Variants in DDX50 observed in about 807,000 individuals in gnomAD.
DDX50 encodes ATP-dependent RNA helicase DDX50.
DDX50 carries 56 observed loss-of-function variants against 94.8 expected under a neutral mutation model. The observed-to-expected ratio is 0.59, with a 90% CI of 0.48 to 0.74. The LOEUF (loss-of-function observed/expected upper bound fraction) is 0.74, where lower values mean the gene tolerates loss of function less well. DDX50 is among the 30% of genes least tolerant of loss of function. The pLI, the probability that DDX50 is intolerant of heterozygous loss-of-function variation, is 0.00. For missense variants in DDX50, 713 were observed against 881.2 expected (o/e 0.81, Z 2.42); for synonymous variants, 264 against 295.4 (o/e 0.89, Z 1.09).
intron 12 of DDX50, among the ~76,000 whole-genome samples, chr10:68,938,778 T>A (rs1034508312): frequency 3.3e-5 from 5 of 152,236 alleles, no homozygotes; most frequent in African/African-American, 1.2e-4. Context: ...CCTATTTGTA[T>A]GTATGTTTTT....
chr10:68,931,149 T>C (rs1032089553), intron 8 of DDX50, among the ~76,000 whole-genome samples: 1 of 152,036 alleles, frequency 6.6e-6, no homozygotes, highest in Non-Finnish European at 1.5e-5. Flanking sequence ...CCTAATTATT[T>C]GATTAATGTC....
chr10:68,921,389 CT>C (rs1841935997), intron 8 of DDX50, among the ~76,000 whole-genome samples: 1 of 151,938 alleles, frequency 6.6e-6, no homozygotes, highest in Admixed American at 6.6e-5. Context: ...TTTTTTGTAG[CT>C]TTTTTTGTTT....
Position 68,910,407 on chromosome 10 carries a change from A to G in DDX50, c.460+25A>G, listed in dbSNP as rs755269536. ...GGTATGCAGTTTGGTTGTTGTTGTT[A>G]TTGTTGTTGTTTTGAGACAGAGCCT... On this transcript the variant is annotated intron_variant, in intron 3 of 14. Transcript: ENST00000373585. The G allele has an allele frequency of 3.2e-6, 5 of 1,571,710 alleles. No individual in the cohort carries two copies. The Admixed American group carries it at 7.9e-5, about 25-fold the overall frequency.
chr10:68,927,075 G>T (rs1266408168), intron 8 of DDX50, among the ~76,000 whole-genome samples: 1 of 151,944 alleles, frequency 6.6e-6, no homozygotes, highest in African/African-American at 2.4e-5. Context: ...ACCACACCTG[G>T]CTAATTTTTT....
In DDX50 at chr10:68,922,470, T is replaced by C. The variant is rs370471263; in HGVS notation, c.1239+2489T>C. On this transcript the variant is annotated intron_variant, in intron 8 of 14. Transcript: ENST00000373585. ...TCTCATTGAAAAACTGAAAAGTTTT[T>C]CTTGATTTTTGTTCTTTATTACAGC... is the stretch of plus-strand genomic sequence containing the variant. Among the ~76,000 whole-genome samples, 320 of 152,312 alleles carry C rather than the reference T, an allele frequency of 2.1e-3. 2 individuals are homozygous for C. The highest frequency in any genetic ancestry group is 7.3e-3 in the African/African-American group (302 of 41,582).
chr10:68,934,311 G>T lies in DDX50; in HGVS notation c.1352G>T (p.Gly451Val). ...GTGGCAACCAATGTGGCTGCCCGTG[G>T]TTTGGACATTCCTGAAGTTGACCTG... ...VLVATNVAAR[G>V]LDIPEVDLVI... Residue 451 changes from glycine to valine, a missense_variant, in exon 9 of 15, where the codon GGT (glycine) becomes GTT (valine). Gly to Val is a moderately radical substitution (Grantham distance 109). Transcript: ENST00000373585. The surrounding 1 kb of genome is among the most constrained non-coding windows in gnomAD (Gnocchi z 4.0). 1 of 1,613,884 alleles carries T rather than the reference G, an allele frequency of 6.2e-7. No individual in the cohort carries two copies. The highest frequency in any genetic ancestry group is 8.5e-7 in the Non-Finnish European group (1 of 1,179,872).
intron 14 of DDX50, 29 bp downstream of exon 14, chr10:68,943,286 G>A: frequency 6.4e-7 from 1 of 1,550,860 alleles, no homozygotes; most frequent in Non-Finnish European, 8.8e-7. Flanking sequence ...CTTTTAAATG[G>A]TTGAGTACAT....
chr10:68,914,710 A>G (rs1024044848), intron 7 of DDX50, among the ~76,000 whole-genome samples: 2 of 152,214 alleles, frequency 1.3e-5, no homozygotes, highest in African/African-American at 4.8e-5. Flanking sequence ...TGATTTCAGG[A>G]AAGGGAATGC....
chr10:68,916,830 G>A (rs1056723851), intron 7 of DDX50, among the ~76,000 whole-genome samples: 2 of 152,064 alleles, frequency 1.3e-5, no homozygotes, highest in East Asian at 3.9e-4. Context: ...GATTACAGGC[G>A]CCCACCACCA....
chr10:68,913,280 G>C lies in DDX50; in HGVS notation c.757+1G>C. On this transcript the variant is annotated splice_donor_variant, in intron 5 of 14. Coordinates refer to ENST00000373585, the MANE Select transcript of DDX50 (RefSeq NM_024045.2). LOFTEE classifies it high-confidence loss of function. ...GGTGGAACATCATATCAAAGCCAAA[G>C]TGAGTAAATATGTTTGATAGACGTG... 1 of 1,610,724 alleles carries C rather than the reference G, an allele frequency of 6.2e-7. No homozygotes were observed.
At chr10:68,925,092 A>G (rs898999651) in intron 8 of DDX50, among the ~76,000 whole-genome samples, 935 of 92,950 alleles carry the variant, frequency 0.01, 3 homozygotes, top group Middle Eastern at 0.044. Flanking sequence ...TTCCCTGCTC[A>G]TGGTTTTTTT....
At chr10:68,931,852 C>A (rs553401223) in intron 8 of DDX50, among the ~76,000 whole-genome samples, 2 of 152,104 alleles carry the variant, frequency 1.3e-5, no homozygotes, top group East Asian at 1.9e-4. Context: ...ATCCCCGCTC[C>A]CTTTTCAGTC....
At chr10:68,901,514 C>T in intron 1 of DDX50, 43 bp downstream of exon 1, 1 of 1,539,616 alleles carries the variant, frequency 6.5e-7, no homozygotes, top group Non-Finnish European at 8.8e-7. Context: ...GCTGCGCCGG[C>T]TTGGGCGGGG....
intron 13 of DDX50, 57 bp from the exon 14 acceptor site, chr10:68,943,156 A>G: frequency 1.3e-6 from 2 of 1,551,698 alleles, no homozygotes; most frequent in South Asian, 1.2e-5. Context: ...TAGTAAAACA[A>G]AAAAAATCTA....
chr10:68,936,173 C>T, intron 11 of DDX50, 94 bp downstream of exon 11: 5 of 891,002 alleles, frequency 5.6e-6, no homozygotes, highest in Non-Finnish European at 8.6e-6. Flanking sequence ...AATTTTACCA[C>T]CAGTTTTACC....
intron 7 of DDX50, among the ~76,000 whole-genome samples, chr10:68,915,428 A>C (rs1312416091): frequency 6.7e-6 from 1 of 149,706 alleles, no homozygotes; most frequent in Non-Finnish European, 1.5e-5. Flanking sequence ...AAAATAAAAG[A>C]AAAAAAAGGC....
Position 68,934,224 on chromosome 10 carries a change from T to C in DDX50, c.1265T>C (p.Ile422Thr). 1 of 1,612,030 alleles carries C rather than the reference T, an allele frequency of 6.2e-7. No homozygotes were observed. The highest frequency in any genetic ancestry group is 8.5e-7 in the Non-Finnish European group (1 of 1,179,812). ...KQNAQCLHGD[I>T]AQSQREITLK... The stretch of plus-strand genomic sequence containing the variant: ...AATGCCCAGTGTTTACATGGGGACA[T>C]TGCACAGTCACAAAGAGAAATTACA... The change falls in exon 9 of 15, where the codon ATT becomes ACT. Residue 422 changes from isoleucine to threonine, a missense_variant. Physicochemically the swap from Ile to Thr is moderately conservative, Grantham distance 89. Transcript: ENST00000373585. The surrounding 1 kb of genome is among the most constrained non-coding windows in gnomAD (Gnocchi z 4.0).
At chr10:68,946,131 CAT>C (rs1236099913) in intron 14 of DDX50, among the ~76,000 whole-genome samples, 1 of 152,024 alleles carries the variant, frequency 6.6e-6, no homozygotes, top group Non-Finnish European at 1.5e-5. Context: ...ATTAGTAATA[CAT>C]AGTTTAATTT....
chr10:68,943,247 A>T lies in DDX50; in HGVS notation c.1925A>T (p.Glu642Val), dbSNP rs768675198. 1.9e-5 allele frequency: 30 copies of T among 1,607,292 alleles called. 1 individual carries two copies. In the South Asian group the frequency reaches 3.4e-4, roughly 18 times the overall value. Residue 642 changes from glutamate to valine, a missense_variant, in exon 14 of 15, where the codon GAA (glutamate) becomes GTA (valine). Physicochemically the swap from Glu to Val is moderately radical, Grantham distance 121. This residue lies in a region of DDX50 where 428 missense variants were observed against 602.3 expected (regional missense o/e 0.71). Transcript: ENST00000373585. ...TTTGATGTTCCTACAACTGAGTCAGAAAGGTTACAGGTATTTTTAAAATTT... is the reference window on the plus strand; with the variant it reads ...TTTGATGTTCCTACAACTGAGTCAGTAAGGTTACAGGTATTTTTAAAATTT... ...VCFDVPTTES[E>V]RLQAEWHDSD...
Sources: allele counts gnomAD v4.1 joint callset (sites outside exome capture counted in the v4.1 genomes callset), GRCh38; gene constraint gnomAD v4.1.1; regional missense constraint gnomAD v4.1.1; non-coding constraint Gnocchi (gnomAD v3.1); transcripts MANE v1.5; gene names NCBI Gene and HGNC (gene_info 2026-07-23, HGNC 2026-07-21).